CDH2: variants seen among roughly 807,000 people sequenced by gnomAD.
CDH2 encodes cadherin 2.
Under a neutral mutation model 92.0 loss-of-function variants are expected in CDH2, and 17 were observed. The observed-to-expected ratio is 0.18, with a 90% CI of 0.13 to 0.28. The LOEUF (loss-of-function observed/expected upper bound fraction) is 0.28. CDH2 is among the 10% of genes least tolerant of loss of function. The pLI, the probability that CDH2 is intolerant of heterozygous loss-of-function variation, is 1.00. For synonymous variants in CDH2, 419 were observed against 415.9 expected, an observed-to-expected ratio of 1.01 and a Z score of -0.09; for missense variants, 862 against 1,133.1, an observed-to-expected ratio of 0.76 and a Z score of 3.44.
exon 7 of CDH2, among the ~76,000 whole-genome samples, chr18:27,932,944 G>A (rs1053466350): frequency 2.0e-5 from 3 of 152,124 alleles, no homozygotes; most frequent in Admixed American, 2.0e-4. Context: ...GAAAATGCAA[G>A]TACATAGGTT....
intron 2 of CDH2, among the ~76,000 whole-genome samples, chr18:28,040,567 A>C (rs1271386256): frequency 6.6e-6 from 1 of 152,236 alleles, no homozygotes; most frequent in African/African-American, 2.4e-5. Flanking sequence ...GAGCAAAATT[A>C]ACCACAGGCA....
At chr18:28,083,651 T>C (rs2014872421) in intron 2 of CDH2, among the ~76,000 whole-genome samples, 1 of 152,204 alleles carries the variant, frequency 6.6e-6, no homozygotes, top group Non-Finnish European at 1.5e-5. Context: ...AGTACACTAG[T>C]TCCCTATACC....
chr18:28,044,475 T>C lies in CDH2; in HGVS notation c.173-30566A>G, dbSNP rs567561109. Among the ~76,000 whole-genome samples, 19 of 152,314 alleles carry C rather than the reference T, an allele frequency of 1.2e-4. No homozygotes were observed. In the East Asian group the frequency reaches 3.7e-3, roughly 29 times the overall value. On this transcript the variant is annotated intron_variant, in intron 2 of 15. Coordinates refer to ENST00000269141, the MANE Select transcript of CDH2 (RefSeq NM_001792.5). ...GATCCATTCCCCTTTTCTATTCATC[T>C]TGCTAAAAACTTTCAATGCTTCCTA...
At position 28,010,665 on chromosome 18, in the gene CDH2, T is replaced by C. The variant is rs1332447469; in HGVS notation, c.547-793A>G. ...TTATACTTAATCCATCAATAAAATC[T>C]AGGTTTTTTTTTTTTGCGGGGGGGG... On this transcript the variant is annotated intron_variant, in intron 4 of 15. Transcript: ENST00000269141. Among the ~76,000 whole-genome samples the C allele has an allele frequency of 3.3e-5, 5 of 150,090 alleles. No homozygotes were observed. In the East Asian group the frequency reaches 7.8e-4, roughly 23 times the overall value.
intron 2 of CDH2, chr18:28,045,479 T>G (rs2014056257): frequency 4.3e-6 from 2 of 462,366 alleles, no homozygotes; most frequent in Admixed American, 4.9e-5. Flanking sequence ...CTCATCATGG[T>G]CTTGTAAATG....
Position 28,172,939 on chromosome 18 carries a change from T to A in CDH2, c.60+4024A>T, listed in dbSNP as rs566022437. 2.7e-4 allele frequency among the ~76,000 whole-genome samples: 41 copies of A among 152,260 alleles called. No individual in the cohort carries two copies. In the East Asian group the frequency reaches 7.7e-3, roughly 29 times the overall value. On this transcript the variant is annotated intron_variant, in intron 1 of 15. Transcript: ENST00000269141. ...ATAGGATTTAAAGCAAGATTAACTG[T>A]TGCTTTAAGTCTTGACATTTCCCTA... is the stretch of plus-strand genomic sequence containing the variant.
intron 10 of CDH2, among the ~76,000 whole-genome samples, chr18:27,989,851 T>C (rs1159102756): frequency 6.6e-6 from 1 of 152,172 alleles, no homozygotes; most frequent in African/African-American, 2.4e-5. Context: ...AAATGGCAGA[T>C]ACAGAGAAAC....
chr18:27,951,286 A>G lies in CDH2; in HGVS notation c.*867T>C, dbSNP rs1410363163. ...AAATTAAAAATTGAGTATTCTAACT[A>G]CAGCTCAACAATTGAATCAAATGTC... is the stretch of plus-strand genomic sequence containing the variant. On this transcript the variant is annotated 3_prime_UTR_variant, in exon 16 of 16. Coordinates refer to ENST00000269141, the MANE Select transcript of CDH2 (RefSeq NM_001792.5). 1 of 152,382 alleles carries G rather than the reference A, an allele frequency of 6.6e-6. No homozygotes were observed. The highest frequency in any genetic ancestry group is 2.4e-5 in the African/African-American group (1 of 41,412). The allele number at this position is 152,382 out of a possible 1,614,324, so 9.4% of individuals were successfully genotyped here.
chr18:28,148,079 C>T (rs1319445172), intron 1 of CDH2, among the ~76,000 whole-genome samples: 1 of 152,152 alleles, frequency 6.6e-6, no homozygotes, highest in Non-Finnish European at 1.5e-5. Context: ...TGAAGAACTA[C>T]CAAGTGGGCG....
intron 2 of CDH2, among the ~76,000 whole-genome samples, chr18:28,105,976 G>A (rs1239356533): frequency 5.3e-5 from 8 of 152,184 alleles, no homozygotes; most frequent in Non-Finnish European, 7.3e-5. Flanking sequence ...GAATTGAGTA[G>A]AATTCATTCT....
At chr18:27,999,626 C>T (rs2012698613) in intron 7 of CDH2, among the ~76,000 whole-genome samples, 1 of 151,636 alleles carries the variant, frequency 6.6e-6, no homozygotes, top group Admixed American at 6.6e-5. Context: ...AGGCACTGTG[C>T]TGAATGCCTT....
chr18:28,170,614 G>A (rs1048396818), intron 1 of CDH2, among the ~76,000 whole-genome samples: 3 of 152,014 alleles, frequency 2.0e-5, no homozygotes, highest in African/African-American at 7.3e-5. Context: ...CAAAGTGCTG[G>A]GATTACAGGC....
At chr18:28,093,502 T>C (rs1361124518) in intron 2 of CDH2, among the ~76,000 whole-genome samples, 2 of 152,138 alleles carry the variant, frequency 1.3e-5, no homozygotes, top group African/African-American at 4.8e-5. Context: ...ATATGGAAGA[T>C]ACTATTTAGC....
At chr18:28,042,266 G>T (rs1331482148) in intron 2 of CDH2, among the ~76,000 whole-genome samples, 1 of 152,078 alleles carries the variant, frequency 6.6e-6, no homozygotes, top group African/African-American at 2.4e-5. Context: ...AGATAGCATT[G>T]GAATTAGGGA....
chr18:28,049,657 GCAAGGC>G (rs1338803456), intron 2 of CDH2, among the ~76,000 whole-genome samples: 1 of 152,136 alleles, frequency 6.6e-6, no homozygotes. Context: ...AGTATCTATG[GCAAGGC>G]CACATGCACA....
chr18:28,065,781 C>T (rs1475506763), intron 2 of CDH2, among the ~76,000 whole-genome samples: 1 of 152,136 alleles, frequency 6.6e-6, no homozygotes, highest in African/African-American at 2.4e-5. Context: ...CCAATGATAT[C>T]TGAGAAGTAT....
At chr18:27,968,372 C>A (rs542252048) in intron 14 of CDH2, among the ~76,000 whole-genome samples, 1 of 151,896 alleles carries the variant, frequency 6.6e-6, no homozygotes. Context: ...AAGAAATGCA[C>A]GAAAGAGTTT....
At chr18:27,975,972 C>A (rs1383102179) in intron 14 of CDH2, among the ~76,000 whole-genome samples, 1 of 152,204 alleles carries the variant, frequency 6.6e-6, no homozygotes, top group Non-Finnish European at 1.5e-5. Context: ...CCAGCTGCTT[C>A]TCTCTTCTAC....
At chr18:28,038,438 T>TGC (rs1437913316) in intron 2 of CDH2, among the ~76,000 whole-genome samples, 1 of 138,226 alleles carries the variant, frequency 7.2e-6, no homozygotes, top group Non-Finnish European at 1.6e-5. Flanking sequence ...TGTGTGTGTG[T>TGC]GTGTGTGTGT....
Sources: gnomAD v4.1 joint callset for allele counts (sites outside exome capture counted in the v4.1 genomes callset) on GRCh38, gnomAD v4.1.1 for gene constraint, MANE v1.5 for transcripts, NCBI Gene and HGNC (gene_info 2026-07-23, HGNC 2026-07-21) for gene names.